Variants in UNC13C observed in about 807,000 individuals in gnomAD.
UNC13C encodes protein unc-13 homolog C.
Under a neutral mutation model 245.4 loss-of-function variants are expected in UNC13C, and 174 were observed. That is an observed-to-expected ratio of 0.71 (90% CI 0.63 to 0.80). The LOEUF is 0.80. Among genes scored for constraint, UNC13C ranks in the 30% least tolerant of loss-of-function variants. The pLI, the probability that UNC13C is intolerant of heterozygous loss-of-function variation, is 0.00. For synonymous variants in UNC13C, 992 were observed against 895.1 expected, an observed-to-expected ratio of 1.11 and a Z score of -1.93; for missense variants, 2,829 against 2,602.9, an observed-to-expected ratio of 1.09 and a Z score of -1.89.
intron 19 of UNC13C, among the ~76,000 whole-genome samples, chr15:54,449,316 T>C (rs972945339): frequency 3.9e-5 from 6 of 152,200 alleles, no homozygotes; most frequent in African/African-American, 1.4e-4. Flanking sequence ...ATTTGAATGT[T>C]GGCCTGCCTT....
chr15:54,264,394 A>T lies in UNC13C; in HGVS notation c.3675A>T (p.Thr1225=). The part of the protein sequence containing the change: ...TSKWSAKITI[T]VVSAQGLQAK... ...AGTGGTCTGCAAAAATAACCATTAC[A>T]GGTAAAAATAAGTCTTCTTAAAAAT... is the stretch of plus-strand genomic sequence containing the variant. Residue 1225 remains threonine (T), a splice_region_variant and synonymous_variant, in exon 9 of 33, where the codon ACA becomes ACT. Coordinates refer to ENST00000260323, the MANE Select transcript of UNC13C (RefSeq NM_001080534.3). The T allele has an allele frequency of 6.4e-7, 1 of 1,574,700 alleles. No individual in the cohort carries two copies. The highest frequency in any genetic ancestry group is 8.6e-7 in the Non-Finnish European group (1 of 1,158,410).
upstream of UNC13C, among the ~76,000 whole-genome samples, chr15:53,977,392 ATATT>A (rs1271670150): frequency 6.6e-6 from 1 of 152,096 alleles, no homozygotes; most frequent in Non-Finnish European, 1.5e-5. Context: ...TTATTATTGA[ATATT>A]TAGGTGGAGT....
At chr15:54,619,984 C>T (rs1900693500) in intron 30 of UNC13C, among the ~76,000 whole-genome samples, 1 of 152,110 alleles carries the variant, frequency 6.6e-6, no homozygotes, top group African/African-American at 2.4e-5. Flanking sequence ...ATAATCAATA[C>T]TTTCTAGCCC....
rs1896646312 is a variant in UNC13C at position 54,549,663 on chromosome 15, A to C, written c.5849A>C (p.Lys1950Thr). Residue 1950 changes from lysine to threonine, a missense_variant, in exon 28 of 33, where the codon AAA becomes ACA. Physicochemically the swap from Lys to Thr is moderately conservative, Grantham distance 78. Transcript: ENST00000260323. ...TGPQMIFIAA[K>T]DLGQLSKLKE... ...CCCCAGATGATTTTCATTGCAGCTA[A>C]AGATCTTGGACAATTATCCAAACTG... is the stretch of plus-strand genomic sequence containing the variant. 1.9e-6 allele frequency: 3 copies of C among 1,603,970 alleles called. No homozygotes were observed. Among genetic ancestry groups the C allele is most frequent in the Non-Finnish European group, 2.6e-6 (3 of 1,175,930 alleles).
intron 10 of UNC13C, among the ~76,000 whole-genome samples, chr15:54,289,366 CAAA>C (rs2037232344): frequency 6.6e-6 from 1 of 151,992 alleles, no homozygotes; most frequent in Non-Finnish European, 1.5e-5. Context: ...GCATGGTGGT[CAAA>C]GTTTATAGTG....
chr15:54,055,923 A>G lies in UNC13C; in HGVS notation c.2983+40037A>G, dbSNP rs189696201. 3.9e-5 allele frequency among the ~76,000 whole-genome samples: 6 copies of G among 152,290 alleles called. No individual in the cohort carries two copies. The East Asian group carries it at 1.2e-3, about 29-fold the overall frequency. On this transcript the variant is annotated intron_variant, in intron 2 of 32. Coordinates refer to ENST00000260323, the MANE Select transcript of UNC13C (RefSeq NM_001080534.3). Reference sequence around the variant, plus strand: ...AAGAAAAATACTCAAAATGACTGCAAGAGAGTTGTGGGTACTCTCTTCACA... The same window carrying G: ...AAGAAAAATACTCAAAATGACTGCAGGAGAGTTGTGGGTACTCTCTTCACA...
At chr15:53,915,945 T>A in the UNC13C span, among the ~76,000 whole-genome samples, 1 of 152,252 alleles carries the variant, frequency 6.6e-6, no homozygotes, top group Non-Finnish European at 1.5e-5. Flanking sequence ...TCCTTGTCTG[T>A]AAAATGAAAA....
At chr15:54,097,284 A>G (rs958500824) in intron 2 of UNC13C, among the ~76,000 whole-genome samples, 1 of 152,104 alleles carries the variant, frequency 6.6e-6, no homozygotes, top group African/African-American at 2.4e-5. Flanking sequence ...ATTATTATCT[A>G]TTTTACCACA....
At chr15:54,284,333 A>G (rs1434682397) in intron 10 of UNC13C, among the ~76,000 whole-genome samples, 1 of 152,216 alleles carries the variant, frequency 6.6e-6, no homozygotes, top group Non-Finnish European at 1.5e-5. Context: ...AATTAAAAAG[A>G]GAGTATAATT....
chr15:54,624,991 GT>G (rs1478776795), intron 32 of UNC13C, among the ~76,000 whole-genome samples: 1 of 152,112 alleles, frequency 6.6e-6, no homozygotes, highest in African/African-American at 2.4e-5. Flanking sequence ...AAAACTTGAT[GT>G]ATGCTTGAAA....
chr15:54,357,576 G>T (rs2039124425), intron 17 of UNC13C, among the ~76,000 whole-genome samples: 1 of 151,844 alleles, frequency 6.6e-6, no homozygotes, highest in Non-Finnish European at 1.5e-5. Context: ...AAAAGATAAA[G>T]CAGAAATTGA....
intron 2 of UNC13C, among the ~76,000 whole-genome samples, chr15:54,042,572 G>A (rs372534408): frequency 6.6e-6 from 1 of 152,194 alleles, no homozygotes; most frequent in Admixed American, 6.5e-5. Context: ...CACTTACTGA[G>A]GCCGGGTGTG....
the UNC13C span, among the ~76,000 whole-genome samples, chr15:53,848,752 A>G: frequency 2.0e-5 from 3 of 152,138 alleles, no homozygotes; most frequent in Non-Finnish European, 2.9e-5. Context: ...TTTTGGTTTC[A>G]ACATAATTAT....
At chr15:53,946,176 CA>C in the UNC13C span, among the ~76,000 whole-genome samples, 1 of 152,144 alleles carries the variant, frequency 6.6e-6, no homozygotes, top group Admixed American at 6.5e-5. Flanking sequence ...ATCACGTCTA[CA>C]AACACAGATC....
intron 4 of UNC13C, among the ~76,000 whole-genome samples, chr15:54,227,239 C>T (rs1262677899): frequency 6.6e-6 from 1 of 152,140 alleles, no homozygotes; most frequent in Non-Finnish European, 1.5e-5. Context: ...GAAGTGTGTG[C>T]TGATCGGTCC....
At chr15:54,205,297 C>G (rs1391553997) in intron 4 of UNC13C, among the ~76,000 whole-genome samples, 1 of 151,872 alleles carries the variant, frequency 6.6e-6, no homozygotes, top group African/African-American at 2.4e-5. Flanking sequence ...TTAAGAGAAC[C>G]ACTGATTTTC....
In UNC13C at chr15:54,536,255, C is replaced by T. The variant is rs186630729; in HGVS notation, c.5696+3189C>T. Among the ~76,000 whole-genome samples, 26 of 151,992 alleles carry T rather than the reference C, an allele frequency of 1.7e-4. 1 individual carries two copies. The East Asian group carries it at 5.0e-3, about 29-fold the overall frequency. On this transcript the variant is annotated intron_variant, in intron 26 of 32. Coordinates refer to ENST00000260323, the MANE Select transcript of UNC13C (RefSeq NM_001080534.3). ...AAAGAAATGAATAAATTCCCAGAAA[C>T]ATACAAACTACCAAGATTGAACCAG...
chr15:54,604,536 G>T (rs1162516947), intron 30 of UNC13C, among the ~76,000 whole-genome samples: 1 of 152,114 alleles, frequency 6.6e-6, no homozygotes, highest in Non-Finnish European at 1.5e-5. Flanking sequence ...TAACTTTCCT[G>T]GGGAACTCCC....
intron 11 of UNC13C, among the ~76,000 whole-genome samples, chr15:54,295,298 C>A (rs16974459): frequency 0.05 from 7,601 of 152,074 alleles, 623 homozygotes; most frequent in African/African-American, 0.17. Context: ...ATTCTTGGGT[C>A]GAGGCAGTAA....
Sources: gnomAD v4.1 joint callset for allele counts (sites outside exome capture counted in the v4.1 genomes callset) on GRCh38, gnomAD v4.1.1 for gene constraint, MANE v1.5 for transcripts, NCBI Gene and HGNC (gene_info 2026-07-23, HGNC 2026-07-21) for gene names.